Variants in FBN3 observed in about 807,000 individuals in gnomAD.
FBN3 encodes fibrillin 3, also known as fibrillin-3.
A neutral mutation model predicts 330.1 loss-of-function variants in FBN3; 234 were observed. The observed-to-expected ratio is 0.71, with a 90% confidence interval of 0.64 to 0.79. FBN3 has a LOEUF of 0.79. Among genes scored for constraint, FBN3 ranks in the 30% least tolerant of loss-of-function variants. The pLI is 0.00. For missense variants in FBN3, 3,606 were observed against 3,886.9 expected (o/e 0.93, Z 1.92); for synonymous variants, 1,458 against 1,517.3 (o/e 0.96, Z 0.91).
At chr19:8,100,548 G>C (rs1203932660) in intron 41 of FBN3, among the ~76,000 whole-genome samples, 1 of 152,116 alleles carries the variant, frequency 6.6e-6, no homozygotes, top group Non-Finnish European at 1.5e-5. Flanking sequence ...ATGTTGGCTA[G>C]GCTGGTCTCA....
chr19:8,094,804 T>C (rs1249827873), intron 46 of FBN3, among the ~76,000 whole-genome samples: 5 of 152,032 alleles, frequency 3.3e-5, no homozygotes, highest in African/African-American at 1.2e-4. Flanking sequence ...TGGAAAGAGG[T>C]AGCAAGATTC....
At chr19:8,088,873 AAATG>A (rs2082027197) in intron 51 of FBN3, among the ~76,000 whole-genome samples, 2 of 151,970 alleles carry the variant, frequency 1.3e-5, no homozygotes, top group East Asian at 1.9e-4. Flanking sequence ...GTGAATGAGT[AAATG>A]AATGAGTGAG....
rs753722789 is a variant in FBN3, at chr19:8,123,416, T to C, written c.3082+48A>G. 8.8e-6 allele frequency: 14 copies of C among 1,592,896 alleles called. No individual in the cohort carries two copies. In the East Asian group the frequency reaches 3.2e-4, roughly 36 times the overall value. On this transcript the variant is annotated intron_variant, in intron 24 of 63. Coordinates refer to ENST00000600128, the MANE Select transcript of FBN3 (RefSeq NM_032447.5). ...CTCTACGTCTTATTTGAGGCCCCTA[T>C]CCCTGCCAAGGATCACGCTCTCTCC...
chr19:8,101,102 C>G (rs1429871084), intron 40 of FBN3, 130 bp from the exon 41 acceptor site: 62 of 591,884 alleles, frequency 1.0e-4, no homozygotes, highest in Admixed American at 2.5e-4. Context: ...TTTGCTCTCC[C>G]CACCCTTTCC....
chr19:8,133,534 T>A (rs958901851), intron 13 of FBN3, among the ~76,000 whole-genome samples: 1 of 152,012 alleles, frequency 6.6e-6, no homozygotes, highest in Non-Finnish European at 1.5e-5. Context: ...CCCTGCAACC[T>A]CCGCCTCGCG....
chr19:8,081,299 C>A, intron 58 of FBN3, 59 bp downstream of exon 58: 1 of 1,554,918 alleles, frequency 6.4e-7, no homozygotes, highest in Non-Finnish European at 8.7e-7. Flanking sequence ...TTGGGCATCC[C>A]TTTGGGGCCC....
At chr19:8,094,608 C>T (rs1358899964) in intron 46 of FBN3, 43 bp from the exon 47 acceptor site, 1 of 1,589,616 alleles carries the variant, frequency 6.3e-7, no homozygotes, top group East Asian at 2.3e-5. Context: ...AGCCAGGATG[C>T]AGGGGGCTCA....
chr19:8,101,043 G>A (rs2082317281), intron 40 of FBN3, 71 bp from the exon 41 acceptor site: 5 of 1,296,676 alleles, frequency 3.9e-6, no homozygotes, highest in Admixed American at 2.0e-5. Flanking sequence ...ATCTGGAGGG[G>A]ACACCTCATC....
chr19:8,084,978 C>T (rs980104387), intron 56 of FBN3, among the ~76,000 whole-genome samples: 1 of 152,068 alleles, frequency 6.6e-6, no homozygotes, highest in Admixed American at 6.6e-5. Flanking sequence ...CCTCAAATTC[C>T]TGGGCTTAAG....
In FBN3 at chr19:8,109,571, G is replaced by T; in HGVS notation, c.4456+60C>A. 1 of 1,554,406 alleles carries T rather than the reference G, an allele frequency of 6.4e-7. No homozygotes were observed. ...TTGACATCTGAGTTAACCCAGTGGGGCAATCCCACCCACCTCTGCTGACCC... is the reference window on the plus strand; with the variant it reads ...TTGACATCTGAGTTAACCCAGTGGGTCAATCCCACCCACCTCTGCTGACCC... On this transcript the variant is annotated intron_variant, in intron 35 of 63. Coordinates refer to ENST00000600128, the MANE Select transcript of FBN3 (RefSeq NM_032447.5). This position sits in a 1 kb window ranked among gnomAD's most constrained non-coding sequence, Gnocchi z 5.2.
intron 47 of FBN3, 50 bp from the exon 48 acceptor site, chr19:8,091,640 C>G (rs1165726138): frequency 1.2e-6 from 2 of 1,601,328 alleles, no homozygotes; most frequent in Non-Finnish European, 1.7e-6. Flanking sequence ...GGACCTCCAT[C>G]AGTGGGGAGA....
chr19:8,109,365 G>A lies in FBN3; in HGVS notation c.4480C>T (p.Leu1494=), dbSNP rs769915861. 5 of 1,614,058 alleles carry A rather than the reference G, an allele frequency of 3.1e-6. No homozygotes were observed. The Admixed American group carries it at 6.7e-5, about 22-fold the overall frequency. ...CVDTRAGNCF[L]ETHDRGDSGI... Reference sequence around the variant, plus strand: ...CTGTCCCCTCGGTCATGCGTCTCCAGGAAACAGTTCCCGGCCCGAGTGTCT... The same window carrying A: ...CTGTCCCCTCGGTCATGCGTCTCCAAGAAACAGTTCCCGGCCCGAGTGTCT... The change falls in exon 36 of 64, where the codon CTG becomes TTG. Residue 1494 remains leucine (L), a synonymous_variant. Coordinates refer to ENST00000600128, the MANE Select transcript of FBN3 (RefSeq NM_032447.5). The surrounding 1 kb of genome is among the most constrained non-coding windows in gnomAD (Gnocchi z 5.2).
At chr19:8,130,748 G>GT (rs1432505313) in intron 16 of FBN3, among the ~76,000 whole-genome samples, 1 of 151,132 alleles carries the variant, frequency 6.6e-6, no homozygotes, top group Non-Finnish European at 1.5e-5. Flanking sequence ...AGTGCCTGTA[G>GT]TCCCAGCTAC....
rs911479382 is a variant in FBN3, at chr19:8,149,361, C to A, written c.-18+88G>T. 2.0e-5 allele frequency: 3 copies of A among 151,754 alleles called. No individual in the cohort carries two copies. Among genetic ancestry groups the A allele is most frequent in the African/African-American group, 2.4e-5 (1 of 41,366 alleles). 9.4% of individuals were successfully genotyped at this position (151,754 alleles called of 1,614,324 possible). A position where few individuals can be genotyped will look rare whatever the true frequency, so the allele number is the denominator to read the frequency against. On this transcript the variant is annotated intron_variant, in intron 1 of 63. Coordinates refer to ENST00000600128, the MANE Select transcript of FBN3 (RefSeq NM_032447.5). The surrounding 1 kb of genome is among the most constrained non-coding windows in gnomAD (Gnocchi z 5.5). ...CTGCGAACAAAGGAATCCTCTCCCC[C>A]TCCCCCTGCCGGCCCCCCCGCCCCC...
chr19:8,082,420 G>C (rs1209675259), intron 57 of FBN3, among the ~76,000 whole-genome samples: 1 of 127,946 alleles, frequency 7.8e-6, no homozygotes, highest in East Asian at 2.2e-4. Context: ...CTTTCTCTTT[G>C]TTTCTTTCTC....
At position 8,073,157 on chromosome 19, in the gene FBN3, C is replaced by T. The variant is rs374630040; in HGVS notation, c.7843G>A (p.Ala2615Thr). 5.6e-5 allele frequency: 90 copies of T among 1,613,720 alleles called. No homozygotes were observed. Among genetic ancestry groups the T allele is most frequent in the Non-Finnish European group, 7.5e-5 (89 of 1,179,974 alleles). The change falls in exon 62 of 64, where the codon GCC becomes ACC. Residue 2615 changes from alanine to threonine, a missense_variant. Physicochemically the swap from Ala to Thr is moderately conservative, Grantham distance 58. Coordinates refer to ENST00000600128, the MANE Select transcript of FBN3 (RefSeq NM_032447.5). The part of the protein sequence containing the change: ...LGGCQEVDEC[A>T]GRRGPCSYSC... Reference sequence around the variant, plus strand: ...TAGCTACAGGGGCCACGCCGTCCGGCGCACTCATCCACCTCCTGGCAGCCC... The same window carrying T: ...TAGCTACAGGGGCCACGCCGTCCGGTGCACTCATCCACCTCCTGGCAGCCC...
At position 8,103,726 on chromosome 19, in the gene FBN3, C is replaced by T. The variant is rs760582858; in HGVS notation, c.4814-39G>A. On this transcript the variant is annotated intron_variant, in intron 38 of 63. Transcript: ENST00000600128. ...AGGGGTGGAGGGGAACAGTGGGCAG[C>T]GTCCAGGAATTGTCTGAATAACTCC... 37 of 1,598,654 alleles carry T rather than the reference C, an allele frequency of 2.3e-5. No individual in the cohort carries two copies. In the Admixed American group the frequency reaches 4.6e-4, roughly 20 times the overall value.
At position 8,078,624 on chromosome 19, in the gene FBN3, A is replaced by C. The variant is rs569077244; in HGVS notation, c.7453+2379T>G. Reference sequence around the variant, plus strand: ...GAGATGGGGTCTCACTGTGTTGCCCAGGCTGGTCTCAAACTCCTGAGCTGA... The same window carrying C: ...GAGATGGGGTCTCACTGTGTTGCCCCGGCTGGTCTCAAACTCCTGAGCTGA... On this transcript the variant is annotated intron_variant, in intron 59 of 63. Transcript: ENST00000600128. 1.4e-3 allele frequency among the ~76,000 whole-genome samples: 218 copies of C among 151,056 alleles called. 2 individuals are homozygous for C. The highest frequency in any genetic ancestry group is 6.8e-3 in the Middle Eastern group (2 of 292).
At position 8,066,045 on chromosome 19, in the gene FBN3, C is replaced by T. The variant is rs774930376; in HGVS notation, c.8304G>A (p.Pro2768=). 7 of 1,613,160 alleles carry T rather than the reference C, an allele frequency of 4.3e-6. No homozygotes were observed. The highest frequency in any genetic ancestry group is 3.3e-5 in the Admixed American group (2 of 60,030). Residue 2768 remains proline, a synonymous_variant, in exon 64 of 64, where the codon CCG becomes CCA. Coordinates refer to ENST00000600128, the MANE Select transcript of FBN3 (RefSeq NM_032447.5). Reference sequence around the variant, plus strand: ...CCTCCAGCCGGTAGGTTCCAGGCCCCGGCCGCCTCCGCCCCAGCTGCAGGG... The same window carrying T: ...CCTCCAGCCGGTAGGTTCCAGGCCCTGGCCGCCTCCGCCCCAGCTGCAGGG... ...VSSLQLGRRR[P]GPGTYRLEVV...
Sources: allele counts gnomAD v4.1 joint callset (sites outside exome capture counted in the v4.1 genomes callset), GRCh38; gene constraint gnomAD v4.1.1; non-coding constraint Gnocchi (gnomAD v3.1); transcripts MANE v1.5; gene names NCBI Gene and HGNC (gene_info 2026-07-23, HGNC 2026-07-21).